COBL: variants seen among roughly 807,000 people sequenced by gnomAD.
The protein encoded by COBL is cordon-bleu WH2 repeat protein.
In COBL, 51 loss-of-function variants were observed where a neutral mutation model predicts 98.8. That is an observed-to-expected ratio of 0.52 (90% CI 0.41 to 0.65). The LOEUF is 0.65. Among genes scored for constraint, COBL ranks in the 30% least tolerant of loss-of-function variants. The pLI, the probability that COBL is intolerant of heterozygous loss-of-function variation, is 0.00. For missense variants in COBL, 1,617 were observed against 1,617.5 expected (o/e 1.00, Z 0.01); for synonymous variants, 634 against 651.7 (o/e 0.97, Z 0.41).
intron 2 of COBL, among the ~76,000 whole-genome samples, chr7:51,214,359 T>A (rs748596940): frequency 6.6e-6 from 1 of 152,142 alleles, no homozygotes; most frequent in Admixed American, 6.5e-5. Context: ...AGAGAGGTGA[T>A]GTGCAGAGTC....
intron 1 of COBL, among the ~76,000 whole-genome samples, chr7:51,252,341 C>T (rs1256027492): frequency 1.3e-5 from 2 of 152,134 alleles, no homozygotes; most frequent in African/African-American, 4.8e-5. Context: ...CAAAGGAAAT[C>T]CCAAACCCAT....
At chr7:51,165,975 A>C (rs1312836149) in intron 5 of COBL, among the ~76,000 whole-genome samples, 1 of 152,080 alleles carries the variant, frequency 6.6e-6, no homozygotes, top group Non-Finnish European at 1.5e-5. Context: ...GAGTACTAAG[A>C]GGGAAGTTTA....
chr7:51,081,452 A>G (rs775404106), intron 7 of COBL, among the ~76,000 whole-genome samples: 77 of 152,296 alleles, frequency 5.1e-4, no homozygotes, highest in Non-Finnish European at 7.9e-4. Flanking sequence ...GACCTGTCCA[A>G]AGGTCTAAGG....
chr7:51,241,443 C>A (rs1795786262), intron 1 of COBL, among the ~76,000 whole-genome samples: 1 of 152,162 alleles, frequency 6.6e-6, no homozygotes. Context: ...AGAGCTGGTC[C>A]CCTCGGAAGG....
intron 1 of COBL, among the ~76,000 whole-genome samples, chr7:51,288,798 G>T (rs1293934663): frequency 8.5e-6 from 1 of 117,382 alleles, no homozygotes; most frequent in African/African-American, 3.7e-5. Flanking sequence ...AATACAAATG[G>T]GAAATAAGAA....
intron 1 of COBL, among the ~76,000 whole-genome samples, chr7:51,240,631 C>T (rs529630321): frequency 2.6e-5 from 4 of 152,272 alleles, no homozygotes; most frequent in South Asian, 4.1e-4. Context: ...ACTACAACCT[C>T]CACCTCCTGG....
chr7:51,217,571 G>A (rs967545261), intron 2 of COBL, among the ~76,000 whole-genome samples: 2 of 151,994 alleles, frequency 1.3e-5, no homozygotes, highest in Admixed American at 6.5e-5. Context: ...TCAAACTCCT[G>A]ACATCAGGTG....
chr7:51,172,910 T>G (rs1465491158), intron 5 of COBL, among the ~76,000 whole-genome samples: 1 of 152,072 alleles, frequency 6.6e-6, no homozygotes, highest in African/African-American at 2.4e-5. Context: ...TGCCTCAGCC[T>G]CCCAAGTAGC....
chr7:51,160,455 A>G (rs954812460), intron 5 of COBL, among the ~76,000 whole-genome samples: 2 of 152,194 alleles, frequency 1.3e-5, no homozygotes, highest in Non-Finnish European at 2.9e-5. Context: ...TTCATAAAGA[A>G]AACCTCCCAA....
At chr7:51,202,713 T>C (rs927454556) in intron 2 of COBL, among the ~76,000 whole-genome samples, 4 of 152,028 alleles carry the variant, frequency 2.6e-5, no homozygotes, top group African/African-American at 7.2e-5. Context: ...CTAATACTAA[T>C]AGGGAAGTTT....
At chr7:51,159,170 T>C (rs1280144642) in intron 5 of COBL, among the ~76,000 whole-genome samples, 1 of 152,194 alleles carries the variant, frequency 6.6e-6, no homozygotes, top group Non-Finnish European at 1.5e-5. Context: ...GCGCTCTGGA[T>C]GCCGCGTGAA....
At chr7:51,103,154 AT>A (rs1462115010) in intron 6 of COBL, among the ~76,000 whole-genome samples, 1 of 152,206 alleles carries the variant, frequency 6.6e-6, no homozygotes, top group African/African-American at 2.4e-5. Context: ...AGCAGCCCCT[AT>A]CCCCCATTCA....
intron 5 of COBL, among the ~76,000 whole-genome samples, chr7:51,141,903 C>A (rs1373519654): frequency 6.6e-6 from 1 of 152,128 alleles, no homozygotes; most frequent in Non-Finnish European, 1.5e-5. Flanking sequence ...AAGGGCAAGG[C>A]CAACTTTCCT....
chr7:51,193,527 T>C lies in COBL; in HGVS notation c.308A>G (p.His103Arg), dbSNP rs780729635. The C allele has an allele frequency of 6.2e-7, 1 of 1,614,192 alleles. No homozygotes were observed. The highest frequency in any genetic ancestry group is 8.5e-7 in the Non-Finnish European group (1 of 1,180,026). Residue 103 changes from histidine to arginine, a missense_variant, in exon 3 of 13, where the codon CAT becomes CGT. Transcript: ENST00000265136. ...TTCTGAAGACCGAATTTCAAGGGCA[T>C]GGTGGGATGGATTCAGGTGGTTCTG... The part of the protein sequence containing the change: ...CLQNHLNPSH[H>R]ALEIRSSETQ...
chr7:51,242,805 C>A (rs141763645), intron 1 of COBL, among the ~76,000 whole-genome samples: 1 of 152,194 alleles, frequency 6.6e-6, no homozygotes, highest in Non-Finnish European at 1.5e-5. Flanking sequence ...GAGGCCCACT[C>A]GCCCAGGTGC....
intron 7 of COBL, among the ~76,000 whole-genome samples, chr7:51,074,384 T>C (rs1011570087): frequency 2.0e-5 from 3 of 151,972 alleles, no homozygotes; most frequent in Non-Finnish European, 4.4e-5. Flanking sequence ...TTAGTAGAGA[T>C]GGGGTTTCAC....
intron 7 of COBL, among the ~76,000 whole-genome samples, chr7:51,061,952 C>CACACACACACACACAT (rs1388584776): frequency 0.013 from 446 of 33,166 alleles, 5 homozygotes; most frequent in African/African-American, 0.022. Flanking sequence ...ACCATAGATA[C>CACACACACACACACAT]ACACACACAC....
intron 1 of COBL, among the ~76,000 whole-genome samples, chr7:51,223,099 G>A (rs1340691460): frequency 6.6e-6 from 1 of 152,212 alleles, no homozygotes; most frequent in Non-Finnish European, 1.5e-5. Flanking sequence ...AGCCTGCGAG[G>A]GCTGTTGTCT....
At chr7:51,312,037 A>T (rs1803102174) in intron 1 of COBL, among the ~76,000 whole-genome samples, 1 of 152,022 alleles carries the variant, frequency 6.6e-6, no homozygotes, top group Non-Finnish European at 1.5e-5. Context: ...TAAATACAGG[A>T]CCTCAGCCGG....
Sources: allele counts gnomAD v4.1 joint callset (sites outside exome capture counted in the v4.1 genomes callset), GRCh38; gene constraint gnomAD v4.1.1; transcripts MANE v1.5; gene names NCBI Gene and HGNC (gene_info 2026-07-23, HGNC 2026-07-21).